SUSD1: variants seen among roughly 807,000 people sequenced by gnomAD.
SUSD1 encodes sushi domain containing 1.
SUSD1 carries 65 observed loss-of-function variants against 86.9 expected under a neutral mutation model. The ratio of observed to expected loss-of-function variants is 0.75; its 90% CI spans 0.61 to 0.92. The LOEUF (loss-of-function observed/expected upper bound fraction) is 0.92. SUSD1 is among the 40% of genes least tolerant of loss of function. The probability of loss-of-function intolerance (pLI) is 0.00; values close to 1 mark genes in which losing one functional copy is unlikely to be tolerated. For synonymous variants in SUSD1, 346 were observed against 350.0 expected (o/e 0.99, Z 0.13); for missense variants, 850 against 929.7 (o/e 0.91, Z 1.11).
At chr9:112,079,583 T>C (rs16916639) in intron 11 of SUSD1, among the ~76,000 whole-genome samples, 37,624 of 150,492 alleles carry the variant, frequency 0.25, 5,091 homozygotes, top group African/African-American at 0.35. Flanking sequence ...CCAGTAGAAG[T>C]TCATCCCAGT....
chr9:112,130,525 G>GAAAAGAAAT, intron 5 of SUSD1, among the ~76,000 whole-genome samples: 1 of 141,394 alleles, frequency 7.1e-6, no homozygotes, highest in East Asian at 2.1e-4. Context: ...GGAAAAGAAA[G>GAAAAGAAAT]AAAAGAAAGG....
intron 10 of SUSD1, among the ~76,000 whole-genome samples, chr9:112,088,515 G>C (rs1830073281): frequency 6.6e-6 from 1 of 152,234 alleles, no homozygotes; most frequent in African/African-American, 2.4e-5. Flanking sequence ...GCCAGGTGCA[G>C]TGGCTCAGAC....
At chr9:112,119,800 C>G (rs908490166) in intron 6 of SUSD1, among the ~76,000 whole-genome samples, 1 of 151,956 alleles carries the variant, frequency 6.6e-6, no homozygotes, top group Non-Finnish European at 1.5e-5. Flanking sequence ...AAGGAGGGGG[C>G]AGGAAAAAAT....
intron 8 of SUSD1, among the ~76,000 whole-genome samples, chr9:112,106,974 G>A (rs1331101256): frequency 6.6e-6 from 1 of 151,624 alleles, no homozygotes; most frequent in Non-Finnish European, 1.5e-5. Flanking sequence ...ATTAAAAAGG[G>A]AAAAAACAGT....
At chr9:112,120,766 TA>T (rs1175078248) in intron 6 of SUSD1, among the ~76,000 whole-genome samples, 1 of 152,228 alleles carries the variant, frequency 6.6e-6, no homozygotes, top group Non-Finnish European at 1.5e-5. Flanking sequence ...ATCAGCTAAT[TA>T]ATAGCTTACT....
At chr9:112,059,809 G>T (rs1035548704) in intron 13 of SUSD1, among the ~76,000 whole-genome samples, 2 of 152,082 alleles carry the variant, frequency 1.3e-5, no homozygotes, top group East Asian at 3.8e-4. Flanking sequence ...CATCTATCTG[G>T]TACTTAGCTC....
chr9:112,093,905 G>C (rs1043979089), intron 10 of SUSD1, among the ~76,000 whole-genome samples: 3 of 152,146 alleles, frequency 2.0e-5, no homozygotes, highest in Non-Finnish European at 4.4e-5. Context: ...TTTTAGGCAG[G>C]AGCAGATGGA....
At chr9:112,062,888 C>T in intron 13 of SUSD1, 49 bp downstream of exon 13, 1 of 1,289,750 alleles carries the variant, frequency 7.8e-7, no homozygotes. Context: ...GTTTCCAAAA[C>T]ACTCCATGGG....
chr9:112,078,774 A>C (rs1273418032), intron 11 of SUSD1, 50 bp from the exon 12 acceptor site: 2 of 1,435,064 alleles, frequency 1.4e-6, no homozygotes, highest in South Asian at 1.2e-5. Context: ...AAAAGGCTTT[A>C]GATGCCTTGA....
At chr9:112,055,665 A>T (rs948866235) in intron 14 of SUSD1, among the ~76,000 whole-genome samples, 3 of 152,230 alleles carry the variant, frequency 2.0e-5, no homozygotes, top group Non-Finnish European at 4.4e-5. Context: ...GTATATACAC[A>T]AAAGAACTGA....
At chr9:112,164,008 A>T (rs913684068) in intron 1 of SUSD1, among the ~76,000 whole-genome samples, 5 of 152,044 alleles carry the variant, frequency 3.3e-5, no homozygotes, top group Admixed American at 6.5e-5. Context: ...CTCAAAAAAA[A>T]AATAAAAATA....
At chr9:112,045,659 GC>G (rs1827925999) in intron 15 of SUSD1, among the ~76,000 whole-genome samples, 2 of 152,014 alleles carry the variant, frequency 1.3e-5, no homozygotes, top group African/African-American at 4.8e-5. Context: ...TGAAGACCTT[GC>G]TTTGCCTTGA....
intron 10 of SUSD1, among the ~76,000 whole-genome samples, chr9:112,082,577 A>G (rs1240725291): frequency 1.3e-5 from 2 of 152,208 alleles, no homozygotes; most frequent in Non-Finnish European, 2.9e-5. Context: ...AAGGGCGTGG[A>G]AATAGATTCT....
chr9:112,108,704 G>A (rs1830949448), intron 8 of SUSD1, among the ~76,000 whole-genome samples: 2 of 148,274 alleles, frequency 1.3e-5, no homozygotes, highest in South Asian at 4.2e-4. Flanking sequence ...CCTGAGCCCA[G>A]GAGGTCAAGG....
intron 13 of SUSD1, among the ~76,000 whole-genome samples, chr9:112,059,627 G>C (rs985000827): frequency 6.6e-6 from 1 of 152,202 alleles, no homozygotes; most frequent in Non-Finnish European, 1.5e-5. Context: ...AATATGTCAT[G>C]TATGCACTGT....
chr9:112,084,822 G>C (rs7870432), intron 10 of SUSD1, among the ~76,000 whole-genome samples: 48,867 of 152,010 alleles, frequency 0.32, 8,126 homozygotes, highest in African/African-American at 0.37. Context: ...CTGGGCCAAT[G>C]TGATCTAGAA....
At chr9:112,118,039 G>T (rs976473237) in intron 6 of SUSD1, among the ~76,000 whole-genome samples, 1 of 152,190 alleles carries the variant, frequency 6.6e-6, no homozygotes, top group African/African-American at 2.4e-5. Flanking sequence ...AAGGACAGGG[G>T]CTGGTCTAGT....
At chr9:112,120,189 C>T (rs1038664714) in intron 6 of SUSD1, among the ~76,000 whole-genome samples, 15 of 152,190 alleles carry the variant, frequency 9.9e-5, no homozygotes, top group African/African-American at 3.6e-4. Flanking sequence ...TGTCTGTAGT[C>T]CCAGCTGCTT....
chr9:112,167,199 C>T (rs556753640), intron 1 of SUSD1, among the ~76,000 whole-genome samples: 3 of 152,068 alleles, frequency 2.0e-5, no homozygotes, highest in African/African-American at 4.8e-5. Context: ...CAGGCTCAGG[C>T]GAGTCTCCCA....
Sources: allele counts gnomAD v4.1 joint callset (sites outside exome capture counted in the v4.1 genomes callset), GRCh38; gene constraint gnomAD v4.1.1; transcripts MANE v1.5; gene names NCBI Gene and HGNC (gene_info 2026-07-23, HGNC 2026-07-21).